The following NRG3 variants were observed in gnomAD, a reference collection of about 807,000 sequenced individuals.
The protein encoded by NRG3 is pro-neuregulin-3, membrane-bound isoform.
In NRG3, 31 loss-of-function variants were observed where a neutral mutation model predicts 66.9. The observed-to-expected ratio is 0.46, with a 90% confidence interval of 0.35 to 0.63. The LOEUF (loss-of-function observed/expected upper bound fraction) is 0.63. Among genes scored for constraint, NRG3 ranks in the 20% least tolerant of loss-of-function variants. The pLI, the probability that NRG3 is intolerant of heterozygous loss-of-function variation, is 0.00. For missense variants in NRG3, 910 were observed against 878.9 expected (o/e 1.04, Z -0.45); for synonymous variants, 393 against 359.4 (o/e 1.09, Z -1.06).
At chr10:82,251,904 G>A (rs1483205954) in intron 1 of NRG3, among the ~76,000 whole-genome samples, 1 of 149,274 alleles carries the variant, frequency 6.7e-6, no homozygotes, top group Non-Finnish European at 1.5e-5. Flanking sequence ...AGGAGGACTG[G>A]CTCCAAAAGA....
chr10:82,359,126 A>G (rs556931925), intron 2 of NRG3, among the ~76,000 whole-genome samples: 3 of 152,218 alleles, frequency 2.0e-5, no homozygotes, highest in Non-Finnish European at 4.4e-5. Context: ...TAGATCTGCA[A>G]AGTTAATGGA....
chr10:82,119,518 A>G (rs183446125), intron 1 of NRG3, among the ~76,000 whole-genome samples: 19 of 152,262 alleles, frequency 1.2e-4, no homozygotes, highest in Admixed American at 7.8e-4. Context: ...AAGTTACCCA[A>G]CTTTATAGCC....
intron 1 of NRG3, among the ~76,000 whole-genome samples, chr10:82,025,830 A>C (rs942069097): frequency 1.5e-4 from 23 of 151,856 alleles, no homozygotes; most frequent in African/African-American, 5.6e-4. Flanking sequence ...CTTATTTTGG[A>C]TAGTTTTTTG....
intron 1 of NRG3, among the ~76,000 whole-genome samples, chr10:82,349,600 G>T (rs1047585880): frequency 6.6e-6 from 1 of 151,974 alleles, no homozygotes; most frequent in Admixed American, 6.6e-5. Context: ...CACCCAGTTC[G>T]AGCTTCCCGG....
chr10:82,527,623 G>A (rs1846846466), intron 2 of NRG3, among the ~76,000 whole-genome samples: 1 of 152,182 alleles, frequency 6.6e-6, no homozygotes, highest in Admixed American at 6.5e-5. Context: ...TCAGCCAAAA[G>A]GGAGTCTCCA....
rs1321777989 is a variant in NRG3, at chr10:81,875,753, C to T, written c.413C>T (p.Ala138Val). ...ACTACCACTTCCACCACGTCCCCCG[C>T]CACCCCCTCCGCCGGGGGTGCCGCC... ...TTTTTSTTSP[A>V]TPSAGGAASS... The change falls in exon 1 of 9, where the codon GCC (alanine) becomes GTC (valine). Residue 138 changes from alanine (A) to valine (V), a missense_variant. By Grantham distance (64) the Ala-to-Val change is moderately conservative (BLOSUM62 0). Coordinates refer to ENST00000372141, the MANE Select transcript of NRG3 (RefSeq NM_001010848.4). This position sits in a 1 kb window ranked among gnomAD's most constrained non-coding sequence, Gnocchi z 5.3. 6.2e-7 allele frequency: 1 copy of T among 1,612,576 alleles called. No individual in the cohort carries two copies. Among genetic ancestry groups the T allele is most frequent in the Non-Finnish European group, 8.5e-7 (1 of 1,179,718 alleles).
chr10:82,511,547 T>G (rs1590408282), intron 2 of NRG3, among the ~76,000 whole-genome samples: 1 of 152,264 alleles, frequency 6.6e-6, no homozygotes, highest in East Asian at 1.9e-4. Flanking sequence ...TCAGAGCTGG[T>G]GAACAAGTCC....
At chr10:81,940,799 G>A (rs2133091548) in intron 1 of NRG3, among the ~76,000 whole-genome samples, 1 of 152,150 alleles carries the variant, frequency 6.6e-6, no homozygotes, top group Non-Finnish European at 1.5e-5. Flanking sequence ...AGATAATGGG[G>A]AGCAGACTGC....
intron 1 of NRG3, among the ~76,000 whole-genome samples, chr10:81,940,295 T>C (rs1049369797): frequency 6.6e-6 from 1 of 152,084 alleles, no homozygotes; most frequent in Non-Finnish European, 1.5e-5. Flanking sequence ...TGGTTTGCAG[T>C]GTTGTTCACA....
At position 82,193,169 on chromosome 10, in the gene NRG3, G is replaced by A. The variant is rs1168936838; in HGVS notation, c.824-165570G>A. ...TATTTTCTTTTACTTTTTAGACGGA[G>A]TCTCACTTTGTTACCCAGGCTGGAG... On this transcript the variant is annotated intron_variant, in intron 1 of 8. Coordinates refer to ENST00000372141, the MANE Select transcript of NRG3 (RefSeq NM_001010848.4). 2.0e-5 allele frequency among the ~76,000 whole-genome samples: 3 copies of A among 152,316 alleles called. No homozygotes were observed. In the East Asian group the frequency reaches 5.8e-4, roughly 29 times the overall value.
chr10:82,641,577 G>A (rs1337801097), intron 2 of NRG3, among the ~76,000 whole-genome samples: 2 of 152,028 alleles, frequency 1.3e-5, no homozygotes, highest in Non-Finnish European at 2.9e-5. Context: ...GAAAAGTAGG[G>A]CCCATCAAGA....
intron 2 of NRG3, among the ~76,000 whole-genome samples, chr10:82,655,837 T>C (rs1361781296): frequency 6.6e-6 from 1 of 152,170 alleles, no homozygotes; most frequent in Non-Finnish European, 1.5e-5. Flanking sequence ...GAATTAATTA[T>C]ATCAAAGAGA....
At chr10:82,072,912 G>GCA (rs2064888662) in intron 1 of NRG3, among the ~76,000 whole-genome samples, 1 of 151,874 alleles carries the variant, frequency 6.6e-6, no homozygotes, top group Non-Finnish European at 1.5e-5. Context: ...GACTACAGGC[G>GCA]CACACCACTG....
intron 2 of NRG3, among the ~76,000 whole-genome samples, chr10:82,371,121 G>A (rs149171774): frequency 1.7e-4 from 26 of 152,280 alleles, no homozygotes; most frequent in African/African-American, 6.0e-4. Context: ...AGAATCTAGT[G>A]TGGAAGGGAA....
intron 2 of NRG3, among the ~76,000 whole-genome samples, chr10:82,557,664 G>A (rs1295209348): frequency 2.0e-5 from 3 of 151,630 alleles, no homozygotes; most frequent in Non-Finnish European, 4.4e-5. Context: ...TTTTTTTCTT[G>A]ATCATGAGCC....
intron 1 of NRG3, among the ~76,000 whole-genome samples, chr10:81,949,429 G>A (rs1376735599): frequency 1.3e-5 from 2 of 152,150 alleles, no homozygotes; most frequent in East Asian, 1.9e-4. Context: ...TGATGCAAAT[G>A]TGCAGCCCTG....
chr10:82,213,498 TGTATG>T (rs2075507884), intron 1 of NRG3, among the ~76,000 whole-genome samples: 1 of 152,186 alleles, frequency 6.6e-6, no homozygotes, highest in Non-Finnish European at 1.5e-5. Flanking sequence ...CAAGATATTA[TGTATG>T]TGTATATATT....
intron 3 of NRG3, among the ~76,000 whole-genome samples, chr10:82,825,025 T>C (rs1343273515): frequency 2.6e-5 from 4 of 152,162 alleles, no homozygotes; most frequent in Admixed American, 6.5e-5. Flanking sequence ...TGGTCATTTT[T>C]TATTATTGAG....
intron 1 of NRG3, among the ~76,000 whole-genome samples, chr10:81,988,811 A>C (rs1185498052): frequency 6.6e-6 from 1 of 152,088 alleles, no homozygotes; most frequent in African/African-American, 2.4e-5. Flanking sequence ...GCCCACATTA[A>C]GGAATGCAGG....
Sources: gnomAD v4.1 joint callset for allele counts (sites outside exome capture counted in the v4.1 genomes callset) on GRCh38, gnomAD v4.1.1 for gene constraint, Gnocchi (gnomAD v3.1) non-coding constraint, MANE v1.5 for transcripts, NCBI Gene and HGNC (gene_info 2026-07-23, HGNC 2026-07-21) for gene names.